Variants in DDX46 observed in about 807,000 individuals in gnomAD.
DDX46 encodes probable ATP-dependent RNA helicase DDX46.
Under a neutral mutation model 134.9 loss-of-function variants are expected in DDX46, and 30 were observed. That is an observed-to-expected ratio of 0.22 (90% CI 0.17 to 0.30). The LOEUF (loss-of-function observed/expected upper bound fraction) is 0.30. DDX46 is among the 10% of genes least tolerant of loss of function. The pLI is 1.00. For synonymous variants in DDX46, 415 were observed against 404.1 expected (o/e 1.03, Z -0.32); for missense variants, 622 against 1,248.7 (o/e 0.50, Z 7.56).
chr5:134,799,364 C>T (rs1226573967), intron 15 of DDX46, among the ~76,000 whole-genome samples: 4 of 148,348 alleles, frequency 2.7e-5, no homozygotes, highest in Non-Finnish European at 4.4e-5. Context: ...CCCAGCTTGT[C>T]TTGAACTTCT....
chr5:134,776,807 G>A (rs1027231305), intron 5 of DDX46, among the ~76,000 whole-genome samples: 3 of 151,896 alleles, frequency 2.0e-5, no homozygotes, highest in African/African-American at 4.8e-5. Flanking sequence ...CAGCTACTCA[G>A]GAGGCTGAGG....
At chr5:134,789,040 C>G (rs906242551) in intron 12 of DDX46, among the ~76,000 whole-genome samples, 1 of 151,986 alleles carries the variant, frequency 6.6e-6, no homozygotes, top group African/African-American at 2.4e-5. Context: ...TAGACTTTTT[C>G]TCCACATGAG....
rs1237488742 is a variant in DDX46 at position 134,818,904 on chromosome 5, C to T, written c.2877C>T (p.Ile959=). 1 of 1,613,656 alleles carries T rather than the reference C, an allele frequency of 6.2e-7. No individual in the cohort carries two copies. The highest frequency in any genetic ancestry group is 1.1e-5 in the South Asian group (1 of 91,020). Residue 959 remains isoleucine, a synonymous_variant, in exon 21 of 23, where the codon ATC becomes ATT. Transcript: ENST00000452510. ...CCTCTAAGGAAGCTCTGCAGAGAATCAGTGAATACTCTGAAGCCGCAATTA... is the reference window on the plus strand; with the variant it reads ...CCTCTAAGGAAGCTCTGCAGAGAATTAGTGAATACTCTGAAGCCGCAATTA... ...KVTSKEALQR[I]SEYSEAAITI...
intron 22 of DDX46, among the ~76,000 whole-genome samples, chr5:134,827,426 C>T (rs984063652): frequency 1.1e-4 from 17 of 152,160 alleles, no homozygotes; most frequent in African/African-American, 3.9e-4. Flanking sequence ...AGGCGCACAC[C>T]ACCGCATCTG....
intron 21 of DDX46, 118 bp downstream of exon 21, chr5:134,819,122 T>A: frequency 2.7e-6 from 3 of 1,092,464 alleles, no homozygotes; most frequent in Non-Finnish European, 3.7e-6. Flanking sequence ...GAAACACCTC[T>A]GAAAACAAAA....
At chr5:134,791,982 GC>G (rs761230715) in intron 13 of DDX46, among the ~76,000 whole-genome samples, 9 of 152,132 alleles carry the variant, frequency 5.9e-5, no homozygotes, top group Non-Finnish European at 1.0e-4. Flanking sequence ...GATCAGCCTA[GC>G]CTGGCCAACA....
chr5:134,807,067 TC>T (rs1284067083), intron 15 of DDX46, among the ~76,000 whole-genome samples: 2 of 150,932 alleles, frequency 1.3e-5, no homozygotes, highest in African/African-American at 2.4e-5. Flanking sequence ...TTTTTTTTTT[TC>T]CCCGAGACAG....
chr5:134,769,557 T>TTTA (rs1753694408), intron 3 of DDX46, among the ~76,000 whole-genome samples: 1 of 149,862 alleles, frequency 6.7e-6, no homozygotes. Flanking sequence ...TTTTTTTTTT[T>TTTA]GAGGTGAAGT....
At chr5:134,761,082 T>C (rs926314604) in intron 1 of DDX46, among the ~76,000 whole-genome samples, 2 of 151,708 alleles carry the variant, frequency 1.3e-5, no homozygotes, top group East Asian at 1.9e-4. Context: ...CTGGAGTGCA[T>C]TGAAACAATC....
Position 134,795,210 on chromosome 5 carries a change from T to TG in DDX46, c.1791+196_1791+197insG, listed in dbSNP as rs60439614. Among the ~76,000 whole-genome samples, 972 of 144,386 alleles carry TG rather than the reference T, an allele frequency of 6.7e-3. 12 individuals carry two copies. Among genetic ancestry groups the TG allele is most frequent in the African/African-American group, 0.023 (879 of 38,564 alleles). 94.7% of individuals were successfully genotyped at this position (144,386 alleles called of 152,430 possible). On this transcript the variant is annotated intron_variant, in intron 14 of 22. Transcript: ENST00000452510. The stretch of plus-strand genomic sequence containing the variant: ...GGAGCTATTTAAAATGCTTGTTTTT[T>TG]TTTTTTTTTGTTTTTTTTTTGCTGG...
chr5:134,782,671 G>T (rs1193747630), intron 8 of DDX46, among the ~76,000 whole-genome samples: 1 of 151,896 alleles, frequency 6.6e-6, no homozygotes, highest in East Asian at 1.9e-4. Context: ...CTCCCGAGTA[G>T]CTGGGACTAC....
chr5:134,823,692 C>T (rs1486997210), intron 21 of DDX46, among the ~76,000 whole-genome samples: 1 of 152,154 alleles, frequency 6.6e-6, no homozygotes, highest in Non-Finnish European at 1.5e-5. Context: ...TCAGGTGACA[C>T]TGTTTCTTAT....
intron 1 of DDX46, among the ~76,000 whole-genome samples, chr5:134,761,595 GAACTAC>G (rs1181264627): frequency 6.6e-6 from 1 of 152,066 alleles, no homozygotes; most frequent in Non-Finnish European, 1.5e-5. Flanking sequence ...CCTCTTCCTT[GAACTAC>G]AGGCTAATAT....
chr5:134,827,456 G>C (rs1211270567), intron 22 of DDX46, among the ~76,000 whole-genome samples: 1 of 152,164 alleles, frequency 6.6e-6, no homozygotes, highest in East Asian at 1.9e-4. Context: ...TGTATTTTTA[G>C]TAGAGATGGT....
chr5:134,814,333 T>C (rs1755228976), intron 18 of DDX46, among the ~76,000 whole-genome samples: 1 of 152,222 alleles, frequency 6.6e-6, no homozygotes, highest in African/African-American at 2.4e-5. Flanking sequence ...TATTTTTAAC[T>C]GTTTTTTAAA....
rs1375582646 is a variant in DDX46, at chr5:134,770,931, G to A, written c.379G>A (p.Gly127Arg). The change falls in exon 4 of 23, where the codon GGG becomes AGG. Residue 127 changes from glycine to arginine, a missense_variant. Gly to Arg is a moderately radical substitution (Grantham distance 125, BLOSUM62 -2). Transcript: ENST00000452510. ...RSRSKEKTDG[G>R]ESSKEKKKDK... ...TAGGTCCAAAGAGAAAACTGATGGT[G>A]GGGAAAGTTCTAAAGAGAAGAAAAA... 1.3e-6 allele frequency: 2 copies of A among 1,587,776 alleles called. No homozygotes were observed. The highest frequency in any genetic ancestry group is 2.7e-5 in the African/African-American group (2 of 73,034).
chr5:134,802,403 C>T (rs1754858431), intron 15 of DDX46, among the ~76,000 whole-genome samples: 1 of 151,730 alleles, frequency 6.6e-6, no homozygotes, highest in South Asian at 2.1e-4. Context: ...ATCAGGTGAT[C>T]CACCCACCTC....
At chr5:134,793,177 C>T (rs7734978) in intron 13 of DDX46, among the ~76,000 whole-genome samples, 265 of 151,878 alleles carry the variant, frequency 1.7e-3, no homozygotes, top group South Asian at 9.4e-3. Context: ...AGGAAAATTT[C>T]GATTTAGTTT....
At chr5:134,795,129 T>TA in intron 14 of DDX46, 115 bp downstream of exon 14, 1 of 1,194,954 alleles carries the variant, frequency 8.4e-7, no homozygotes, top group South Asian at 1.5e-5. Context: ...TCAAGTCGTA[T>TA]ACCACTACTC....
Sources: gnomAD v4.1 joint callset for allele counts (sites outside exome capture counted in the v4.1 genomes callset) on GRCh38, gnomAD v4.1.1 for gene constraint, MANE v1.5 for transcripts, NCBI Gene and HGNC (gene_info 2026-07-23, HGNC 2026-07-21) for gene names.